Variants in INPP4B observed in about 807,000 individuals in gnomAD.
The protein encoded by INPP4B is inositol polyphosphate 4-phosphatase type II.
In INPP4B, 55 loss-of-function variants were observed where a neutral mutation model predicts 122.5. The ratio of observed to expected loss-of-function variants is 0.45; its 90% CI spans 0.36 to 0.56. The LOEUF is 0.56. Among genes scored for constraint, INPP4B ranks in the 20% least tolerant of loss-of-function variants. INPP4B has a pLI of 0.00. For synonymous variants in INPP4B, 403 were observed against 388.7 expected, an observed-to-expected ratio of 1.04 and a Z score of -0.43; for missense variants, 1,000 against 1,097.7, an observed-to-expected ratio of 0.91 and a Z score of 1.26.
At chr4:142,528,541 C>T (rs1052278637) in intron 2 of INPP4B, among the ~76,000 whole-genome samples, 1 of 152,122 alleles carries the variant, frequency 6.6e-6, no homozygotes, top group Non-Finnish European at 1.5e-5. Context: ...GGACAGAAAT[C>T]ACAGTCTTTT....
At chr4:142,565,481 T>C (rs1163378933) in intron 2 of INPP4B, among the ~76,000 whole-genome samples, 1 of 152,038 alleles carries the variant, frequency 6.6e-6, no homozygotes, top group Admixed American at 6.6e-5. Flanking sequence ...AGTGAACAAA[T>C]GAATGAATGA....
chr4:142,149,093 C>T (rs561481411), intron 17 of INPP4B, among the ~76,000 whole-genome samples: 1 of 152,172 alleles, frequency 6.6e-6, no homozygotes, highest in South Asian at 2.1e-4. Context: ...ATGGCCTTTA[C>T]TAAGAAGTTA....
chr4:142,727,162 T>C (rs1385413422), intron 1 of INPP4B, among the ~76,000 whole-genome samples: 1 of 152,174 alleles, frequency 6.6e-6, no homozygotes. Flanking sequence ...TTCAGGCTGG[T>C]GGGTGAAAAA....
intron 9 of INPP4B, among the ~76,000 whole-genome samples, 156 bp from the exon 10 acceptor site, chr4:142,270,930 T>A (rs1200529757): frequency 6.8e-6 from 1 of 146,958 alleles, no homozygotes; most frequent in Non-Finnish European, 1.5e-5. Context: ...ATAGGGTAGG[T>A]GTTTGTGTGT....
chr4:142,074,134 A>T (rs541909944), intron 25 of INPP4B, among the ~76,000 whole-genome samples: 17 of 152,188 alleles, frequency 1.1e-4, no homozygotes, highest in East Asian at 3.9e-4. Flanking sequence ...GCACATTTTT[A>T]AAAAAATGCA....
chr4:142,729,988 C>T (rs906445528), intron 1 of INPP4B, among the ~76,000 whole-genome samples: 1 of 152,016 alleles, frequency 6.6e-6, no homozygotes, highest in Non-Finnish European at 1.5e-5. Flanking sequence ...AACCTCAAAA[C>T]TTCAAGAGAT....
intron 12 of INPP4B, among the ~76,000 whole-genome samples, chr4:142,228,867 G>T (rs905595656): frequency 4.6e-5 from 7 of 151,704 alleles, no homozygotes; most frequent in Admixed American, 2.0e-4. Flanking sequence ...ATGTGTATTT[G>T]TGTGGATATT....
intron 21 of INPP4B, among the ~76,000 whole-genome samples, chr4:142,113,963 A>G (rs1419436892): frequency 6.6e-6 from 1 of 152,050 alleles, no homozygotes; most frequent in Non-Finnish European, 1.5e-5. Flanking sequence ...AGTCAGCTAT[A>G]CTACCACCGC....
At chr4:142,690,606 A>G (rs1442960743) in intron 2 of INPP4B, among the ~76,000 whole-genome samples, 3 of 152,188 alleles carry the variant, frequency 2.0e-5, no homozygotes, top group East Asian at 1.9e-4. Context: ...TCTTGAAAGA[A>G]ACCCAGGCTC....
At position 142,346,973 on chromosome 4, in the gene INPP4B, C is replaced by T. The variant is rs527402721; in HGVS notation, c.373-32211G>A. Among the ~76,000 whole-genome samples the T allele has an allele frequency of 3.2e-3, 491 of 152,102 alleles. 3 individuals are homozygous for T. The highest frequency in any genetic ancestry group is 0.024 in the Middle Eastern group (7 of 294). On this transcript the variant is annotated intron_variant, in intron 7 of 25. Coordinates refer to ENST00000262992, the MANE Select transcript of INPP4B (RefSeq NM_001101669.3). ...AAGATGCCAGGCATACTGATATTCT[C>T]TATTTGCTTTAATTTTCCATTTTGC...
chr4:142,024,544 T>C lies in INPP4B; in HGVS notation c.*4238A>G, dbSNP rs1217525574. ...AAAGCTAATTTATTTCCTAAAAGAC[T>C]ACAAATGGTGCCTCATATATTGAAC... On this transcript the variant is annotated 3_prime_UTR_variant, in exon 26 of 26. Coordinates refer to ENST00000262992, the MANE Select transcript of INPP4B (RefSeq NM_001101669.3). 1 of 152,180 alleles carries C rather than the reference T, an allele frequency of 6.6e-6. No homozygotes were observed. Among genetic ancestry groups the C allele is most frequent in the Non-Finnish European group, 1.5e-5 (1 of 68,020 alleles). The allele number at this position is 152,180 out of a possible 1,614,324, so 9.4% of individuals were successfully genotyped here. A position where few individuals can be genotyped will look rare whatever the true frequency, so the allele number is the denominator to read the frequency against.
At chr4:142,525,881 T>G (rs1426954654) in intron 2 of INPP4B, among the ~76,000 whole-genome samples, 2 of 151,362 alleles carry the variant, frequency 1.3e-5, no homozygotes, top group African/African-American at 2.4e-5. Context: ...AAGACAAAAT[T>G]GACAAATGGG....
At chr4:142,463,359 C>A (rs1321192126) in intron 2 of INPP4B, among the ~76,000 whole-genome samples, 2 of 152,102 alleles carry the variant, frequency 1.3e-5, no homozygotes, top group Admixed American at 6.6e-5. Flanking sequence ...CTCTAGAAAC[C>A]AAAGCTTGGC....
intron 9 of INPP4B, among the ~76,000 whole-genome samples, chr4:142,274,443 T>C (rs749864418): frequency 6.6e-6 from 1 of 151,828 alleles, no homozygotes; most frequent in African/African-American, 2.4e-5. Context: ...CAGATTGATA[T>C]GGACTCAACA....
chr4:142,602,413 T>C (rs191368109), intron 2 of INPP4B, among the ~76,000 whole-genome samples: 1 of 152,286 alleles, frequency 6.6e-6, no homozygotes, highest in Admixed American at 6.5e-5. Context: ...CAAAATAATT[T>C]ATGGATTCAA....
intron 1 of INPP4B, among the ~76,000 whole-genome samples, chr4:142,804,025 C>A (rs1778360176): frequency 6.6e-6 from 1 of 151,364 alleles, no homozygotes. Context: ...CTCCACTGCA[C>A]TCCATCCTGG....
chr4:142,094,424 T>C (rs974341472), intron 23 of INPP4B, among the ~76,000 whole-genome samples: 1 of 152,170 alleles, frequency 6.6e-6, no homozygotes, highest in East Asian at 1.9e-4. Flanking sequence ...TAGCAATAAA[T>C]GGCTCCTTGA....
At chr4:142,642,135 T>G (rs997906691) in intron 2 of INPP4B, among the ~76,000 whole-genome samples, 6 of 152,218 alleles carry the variant, frequency 3.9e-5, no homozygotes, top group Admixed American at 6.5e-5. Context: ...TCTTGTAAAT[T>G]TGTTTGAGTT....
chr4:142,547,317 C>A (rs1037635286), intron 2 of INPP4B, among the ~76,000 whole-genome samples: 6 of 151,976 alleles, frequency 3.9e-5, no homozygotes, highest in African/African-American at 1.5e-4. Context: ...AATAAAACAT[C>A]CTGACAAAAC....
Sources: allele counts gnomAD v4.1 joint callset (sites outside exome capture counted in the v4.1 genomes callset), GRCh38; gene constraint gnomAD v4.1.1; transcripts MANE v1.5; gene names NCBI Gene and HGNC (gene_info 2026-07-23, HGNC 2026-07-21).